Variants in FMO3 observed in about 807,000 individuals in gnomAD.
FMO3 encodes the protein flavin-containing monooxygenase 3.
In FMO3, 40 loss-of-function variants were observed where a neutral mutation model predicts 39.4. That is an observed-to-expected ratio of 1.02 (90% confidence interval 0.79 to 1.32). The LOEUF (loss-of-function observed/expected upper bound fraction) is 1.32, where lower values mean the gene tolerates loss of function less well. FMO3 is among the 40% of genes most tolerant of loss of function. The pLI is 0.00. For missense variants in FMO3, 680 were observed against 651.8 expected, an observed-to-expected ratio of 1.04 and a Z score of -0.47; for synonymous variants, 219 against 228.8, an observed-to-expected ratio of 0.96 and a Z score of 0.39.
intron 1 of FMO3, 31 bp from the exon 2 acceptor site, chr1:171,092,622 T>A: frequency 6.2e-7 from 1 of 1,612,876 alleles, no homozygotes; most frequent in Non-Finnish European, 8.5e-7. Flanking sequence ...GCAATGTTGT[T>A]ACTGGAAATG....
At chr1:171,096,049 A>T (rs1448266416) in intron 2 of FMO3, among the ~76,000 whole-genome samples, 53 of 47,370 alleles carry the variant, frequency 1.1e-3, no homozygotes, top group Non-Finnish European at 1.4e-3. Flanking sequence ...ATTATATATA[A>T]ATATATAATA....
intron 6 of FMO3, 150 bp from the exon 7 acceptor site, chr1:171,113,857 A>G (rs1434718378): frequency 5.4e-6 from 3 of 557,264 alleles, no homozygotes; most frequent in Admixed American, 3.3e-5. Context: ...CCTCCCATCA[A>G]TTTTGTTCTT....
chr1:171,116,892 T>TA (rs1283477393), intron 8 of FMO3, among the ~76,000 whole-genome samples: 10 of 152,294 alleles, frequency 6.6e-5, no homozygotes, highest in South Asian at 2.1e-4. Flanking sequence ...GAAAGTTCTT[T>TA]AAAAAAACCA....
At chr1:171,110,214 AC>A (rs1655843837) in intron 5 of FMO3, among the ~76,000 whole-genome samples, 1 of 152,092 alleles carries the variant, frequency 6.6e-6, no homozygotes, top group Admixed American at 6.6e-5. Flanking sequence ...CAAATTTCTC[AC>A]CTTCTTTCCA....
chr1:171,096,580 A>G (rs1655080215), intron 2 of FMO3, among the ~76,000 whole-genome samples: 3 of 68,160 alleles, frequency 4.4e-5, no homozygotes, highest in Admixed American at 1.7e-4. Context: ...ACTATACTTT[A>G]TATATTAAAT....
intron 2 of FMO3, among the ~76,000 whole-genome samples, chr1:171,096,292 C>A (rs541562795): frequency 0.49 from 39,076 of 79,682 alleles, 9,433 homozygotes; most frequent in African/African-American, 0.67. Flanking sequence ...TATTATATAT[C>A]TATTATATAT....
At chr1:171,101,348 T>C (rs957178247) in intron 2 of FMO3, 2 of 393,590 alleles carry the variant, frequency 5.1e-6, no homozygotes, top group African/African-American at 2.1e-5. Flanking sequence ...ATACCTTTGG[T>C]TTTTCAGCGT....
At chr1:171,104,804 G>A (rs1422875552) in intron 3 of FMO3, among the ~76,000 whole-genome samples, 1 of 152,108 alleles carries the variant, frequency 6.6e-6, no homozygotes, top group East Asian at 1.9e-4. Flanking sequence ...AGCTCGGGAG[G>A]TAGAGGTTGC....
intron 2 of FMO3, among the ~76,000 whole-genome samples, chr1:171,097,045 GT>G (rs1224106285): frequency 6.6e-6 from 1 of 150,446 alleles, no homozygotes; most frequent in East Asian, 1.9e-4. Flanking sequence ...GTGGTGTTTG[GT>G]TTTTTGTCCT....
chr1:171,098,128 C>G (rs1655188946), intron 2 of FMO3, among the ~76,000 whole-genome samples: 1 of 152,146 alleles, frequency 6.6e-6, no homozygotes, highest in Admixed American at 6.5e-5. Flanking sequence ...TCTGAGGGCT[C>G]TGTTCTGTTC....
intron 2 of FMO3, chr1:171,101,780 A>G (rs373340854): frequency 2.0e-6 from 1 of 511,268 alleles, no homozygotes; most frequent in Non-Finnish European, 4.1e-6. Flanking sequence ...ATTTCTGAAT[A>G]GGCCACGGAT....
chr1:171,091,690 G>T (rs879799682), intron 1 of FMO3, among the ~76,000 whole-genome samples: 3 of 151,676 alleles, frequency 2.0e-5, no homozygotes, highest in Non-Finnish European at 4.4e-5. Flanking sequence ...CTGGGCTCAA[G>T]CGATACCCCA....
At chr1:171,095,594 A>G (rs1202265624) in intron 2 of FMO3, among the ~76,000 whole-genome samples, 3 of 151,166 alleles carry the variant, frequency 2.0e-5, no homozygotes, top group Non-Finnish European at 4.4e-5. Context: ...GTTGTATTTA[A>G]TGAAACAGTG....
chr1:171,092,532 G>A, intron 1 of FMO3, 121 bp from the exon 2 acceptor site: 1 of 1,148,622 alleles, frequency 8.7e-7, no homozygotes, highest in East Asian at 2.6e-5. Context: ...TACTCAGCCA[G>A]TGTTTATTAA....
At chr1:171,096,668 A>ATTTTT (rs1279519838) in intron 2 of FMO3, among the ~76,000 whole-genome samples, 1,399 of 126,326 alleles carry the variant, frequency 0.011, 151 homozygotes, top group South Asian at 0.024. Flanking sequence ...TTTAAAATAT[A>ATTTTT]TATTTTATAT....
At chr1:171,095,980 A>C (rs1654966465) in intron 2 of FMO3, among the ~76,000 whole-genome samples, 1 of 70,946 alleles carries the variant, frequency 1.4e-5, no homozygotes, top group Admixed American at 2.3e-4. Context: ...AATTATATAG[A>C]TATATTTTAT....
At chr1:171,099,750 C>T (rs1464916307) in intron 2 of FMO3, 4 of 144,246 alleles carry the variant, frequency 2.8e-5, no homozygotes, top group African/African-American at 1.0e-4. Context: ...TCGAGCTGAC[C>T]ATGTCTTTCT....
chr1:171,116,975 T>A, intron 8 of FMO3, 125 bp from the exon 9 acceptor site: 2 of 759,512 alleles, frequency 2.6e-6, no homozygotes, highest in Non-Finnish European at 4.7e-6. Flanking sequence ...GTGTGGGAAA[T>A]TTTTTTAGAA....
intron 2 of FMO3, among the ~76,000 whole-genome samples, chr1:171,098,854 T>C (rs1180531885): frequency 6.6e-6 from 1 of 152,190 alleles, no homozygotes; most frequent in Non-Finnish European, 1.5e-5. Context: ...TGAGAGGGCA[T>C]CCCTGTCTTG....
Sources: allele counts gnomAD v4.1 joint callset (sites outside exome capture counted in the v4.1 genomes callset), GRCh38; gene constraint gnomAD v4.1.1; transcripts MANE v1.5; gene names NCBI Gene and HGNC (gene_info 2026-07-23, HGNC 2026-07-21).